The following ULK4 variants were observed in gnomAD, a reference collection of about 807,000 sequenced individuals.
The protein encoded by ULK4 is inactive serine/threonine-protein kinase ULK4.
Under a neutral mutation model 160.6 loss-of-function variants are expected in ULK4, and 133 were observed. The observed-to-expected ratio is 0.83, with a 90% CI of 0.72 to 0.96. The LOEUF is 0.96. Among genes scored for constraint, ULK4 ranks in the 40% least tolerant of loss-of-function variants. ULK4 has a pLI of 0.00. For missense variants in ULK4, 1,580 were observed against 1,499.5 expected, an observed-to-expected ratio of 1.05 and a Z score of -0.89; for synonymous variants, 534 against 539.8, an observed-to-expected ratio of 0.99 and a Z score of 0.15.
At chr3:41,373,233 C>G (rs2081408248) in intron 35 of ULK4, among the ~76,000 whole-genome samples, 1 of 152,050 alleles carries the variant, frequency 6.6e-6, no homozygotes, top group Non-Finnish European at 1.5e-5. Context: ...ATCAACGAAA[C>G]AGAAAATTAA....
At chr3:41,567,443 A>ATTTTTTTTTTTTTTTTTTTTTT in intron 31 of ULK4, among the ~76,000 whole-genome samples, 1 of 90,312 alleles carries the variant, frequency 1.1e-5, no homozygotes, top group Non-Finnish European at 2.1e-5. Context: ...CACTTAACAG[A>ATTTTTTTTTTTTTTTTTTTTTT]TTTTTTTTTT....
intron 22 of ULK4, among the ~76,000 whole-genome samples, chr3:41,743,261 A>G (rs1372792191): frequency 5.3e-5 from 8 of 151,888 alleles, no homozygotes; most frequent in Admixed American, 2.0e-4. Flanking sequence ...ACTAACAGAA[A>G]TAACAGATTT....
intron 5 of ULK4, among the ~76,000 whole-genome samples, chr3:41,923,589 C>T (rs1034978682): frequency 6.6e-6 from 1 of 152,206 alleles, no homozygotes; most frequent in African/African-American, 2.4e-5. Flanking sequence ...CAAGCTCAGT[C>T]ATTAGCTGGG....
In ULK4 at chr3:41,800,086, G is replaced by C. The variant is rs370600348; in HGVS notation, c.2010+46C>G. The C allele has an allele frequency of 2.6e-5, 39 of 1,473,388 alleles. No homozygotes were observed. The African/African-American group carries it at 4.6e-4, about 17-fold the overall frequency. 91.3% of individuals were successfully genotyped at this position (1,473,388 alleles called of 1,614,324 possible). The stretch of plus-strand genomic sequence containing the variant: ...TTCTAATATTTTCTTCAAACTTGCT[G>C]TTTAAAGATACCCAGACATATCCCC... On this transcript the variant is annotated intron_variant, in intron 20 of 36. Coordinates refer to ENST00000301831, the MANE Select transcript of ULK4 (RefSeq NM_017886.4).
At chr3:41,811,414 TCTGAAATTGCTGGGATTA>T (rs1423763122) in intron 19 of ULK4, among the ~76,000 whole-genome samples, 3 of 152,208 alleles carry the variant, frequency 2.0e-5, no homozygotes, top group Admixed American at 1.3e-4. Context: ...TGCCTTAGCT[TCTGAAATTGCTGGGATTA>T]CAGGTGTGAT....
chr3:41,897,257 C>G (rs1261790345), intron 14 of ULK4, among the ~76,000 whole-genome samples: 1 of 152,148 alleles, frequency 6.6e-6, no homozygotes, highest in Non-Finnish European at 1.5e-5. Context: ...ATGTCTAAAG[C>G]AGAACTGTCC....
At chr3:41,324,346 G>C (rs1424487184) in intron 35 of ULK4, among the ~76,000 whole-genome samples, 1 of 152,188 alleles carries the variant, frequency 6.6e-6, no homozygotes, top group Non-Finnish European at 1.5e-5. Context: ...TCCTTTATGA[G>C]ATCTTTTATC....
At chr3:41,480,430 C>T (rs559695024) in intron 32 of ULK4, among the ~76,000 whole-genome samples, 3 of 151,892 alleles carry the variant, frequency 2.0e-5, no homozygotes, top group Non-Finnish European at 4.4e-5. Flanking sequence ...GAACTATATC[C>T]ACTTGAATGC....
chr3:41,251,273 T>C (rs908277890), intron 35 of ULK4: 2 of 152,252 alleles, frequency 1.3e-5, no homozygotes, highest in Non-Finnish European at 1.5e-5. Flanking sequence ...CTGACTCTTA[T>C]TCATAACATC....
chr3:41,536,264 C>T (rs1019174604), intron 32 of ULK4, among the ~76,000 whole-genome samples: 2 of 152,162 alleles, frequency 1.3e-5, no homozygotes, highest in South Asian at 4.1e-4. Context: ...ATGAGTATTT[C>T]TCAATGAGAT....
chr3:41,525,026 A>G (rs1360224818), intron 32 of ULK4, among the ~76,000 whole-genome samples: 1 of 152,194 alleles, frequency 6.6e-6, no homozygotes, highest in African/African-American at 2.4e-5. Context: ...AACTAGGTGA[A>G]AGATGAGACT....
intron 34 of ULK4, among the ~76,000 whole-genome samples, chr3:41,402,163 A>G (rs2082195017): frequency 6.6e-6 from 1 of 152,200 alleles, no homozygotes. Context: ...AAACTTGCAC[A>G]TATTTAATGT....
intron 5 of ULK4, among the ~76,000 whole-genome samples, chr3:41,927,030 C>T (rs765584554): frequency 6.6e-6 from 1 of 152,054 alleles, no homozygotes; most frequent in South Asian, 2.1e-4. Context: ...GAAGAGGAAC[C>T]CCAAGACACA....
intron 30 of ULK4, among the ~76,000 whole-genome samples, chr3:41,621,871 T>C (rs1054574267): frequency 2.6e-5 from 4 of 152,010 alleles, no homozygotes; most frequent in South Asian, 2.1e-4. Context: ...CTGTGTGACA[T>C]AGGTCTAACA....
At chr3:41,936,071 G>A in intron 3 of ULK4, 131 bp from the exon 4 acceptor site, 1 of 1,155,812 alleles carries the variant, frequency 8.7e-7, no homozygotes, top group Non-Finnish European at 1.2e-6. Context: ...CCTGGTCAAG[G>A]AACACACATG....
At chr3:41,774,018 T>C (rs1328911664) in intron 21 of ULK4, among the ~76,000 whole-genome samples, 3 of 152,138 alleles carry the variant, frequency 2.0e-5, no homozygotes, top group East Asian at 1.9e-4. Context: ...TGGCTAGCCA[T>C]ATGTAGAAAG....
intron 27 of ULK4, among the ~76,000 whole-genome samples, chr3:41,684,084 G>A (rs577703666): frequency 1.3e-5 from 2 of 152,224 alleles, no homozygotes; most frequent in South Asian, 2.1e-4. Context: ...ATTTACCTAC[G>A]CTTCCACCAA....
At chr3:41,418,885 C>T (rs1042951712) in intron 34 of ULK4, among the ~76,000 whole-genome samples, 49 of 152,256 alleles carry the variant, frequency 3.2e-4, no homozygotes, top group Admixed American at 3.1e-3. Context: ...TGAATGGGCA[C>T]ATTATAAAAT....
chr3:41,425,698 G>A (rs139525165), intron 34 of ULK4, among the ~76,000 whole-genome samples: 1 of 152,216 alleles, frequency 6.6e-6, no homozygotes, highest in African/African-American at 2.4e-5. Flanking sequence ...AAGTTAAGGA[G>A]AAGTAAAATC....
Sources: allele counts gnomAD v4.1 joint callset (sites outside exome capture counted in the v4.1 genomes callset), GRCh38; gene constraint gnomAD v4.1.1; transcripts MANE v1.5; gene names NCBI Gene and HGNC (gene_info 2026-07-23, HGNC 2026-07-21).